Variants in DNAH11 observed in about 807,000 individuals in gnomAD.
The protein encoded by DNAH11 is axonemal beta dynein heavy chain 11.
A neutral mutation model predicts 526.0 loss-of-function variants in DNAH11; 442 were observed. The observed-to-expected ratio is 0.84, with a 90% CI of 0.78 to 0.91. The LOEUF is 0.91. DNAH11 is among the 40% of genes least tolerant of loss of function. The probability of loss-of-function intolerance (pLI) is 0.00; values close to 1 mark genes in which losing one functional copy is unlikely to be tolerated. For missense variants in DNAH11, 6,989 were observed against 5,448.7 expected (o/e 1.28, Z -8.90); for synonymous variants, 2,461 against 1,935.9 (o/e 1.27, Z -7.12).
At chr7:21,687,991 G>T (rs976607673) in intron 34 of DNAH11, among the ~76,000 whole-genome samples, 6 of 152,146 alleles carry the variant, frequency 3.9e-5, no homozygotes, top group African/African-American at 1.4e-4. Context: ...GAGCCCAGGA[G>T]GTCAAGGCTG....
intron 14 of DNAH11, among the ~76,000 whole-genome samples, chr7:21,594,023 C>A (rs1784782523): frequency 6.6e-6 from 1 of 151,148 alleles, no homozygotes; most frequent in Non-Finnish European, 1.5e-5. Flanking sequence ...CACACTCACA[C>A]ACACTCTTTC....
At chr7:21,891,090 C>G (rs1277331714) in intron 76 of DNAH11, among the ~76,000 whole-genome samples, 2 of 152,172 alleles carry the variant, frequency 1.3e-5, no homozygotes, top group Admixed American at 1.3e-4. Flanking sequence ...GAAATTCACA[C>G]TTACTTTGTC....
chr7:21,692,228 A>G (rs1403380330), intron 35 of DNAH11, among the ~76,000 whole-genome samples: 1 of 152,214 alleles, frequency 6.6e-6, no homozygotes, highest in Non-Finnish European at 1.5e-5. Flanking sequence ...GTGATAGTAA[A>G]AACATTCAGG....
At chr7:21,840,394 A>G (rs773195164) in intron 65 of DNAH11, among the ~76,000 whole-genome samples, 5 of 152,204 alleles carry the variant, frequency 3.3e-5, no homozygotes, top group Non-Finnish European at 7.3e-5. Flanking sequence ...ATTTTCTATC[A>G]TGACATCTAT....
At chr7:21,891,362 A>T (rs1279779244) in intron 76 of DNAH11, among the ~76,000 whole-genome samples, 1 of 152,212 alleles carries the variant, frequency 6.6e-6, no homozygotes, top group Admixed American at 6.5e-5. Context: ...TGTACATTTA[A>T]GTGCACATAC....
chr7:21,543,809 TTGTATC>T (rs1198958797), intron 1 of DNAH11: 2 of 586,750 alleles, frequency 3.4e-6, no homozygotes, highest in African/African-American at 3.8e-5. Flanking sequence ...AGTCAGCAGT[TTGTATC>T]TGACCGAGAA....
chr7:21,810,392 G>A lies in DNAH11; in HGVS notation c.10332+2343G>A, dbSNP rs75861049. 8.9e-3 allele frequency among the ~76,000 whole-genome samples: 1,359 copies of A among 152,254 alleles called. 17 individuals are homozygous for A. The highest frequency in any genetic ancestry group is 0.031 in the African/African-American group (1,279 of 41,536). ...GTTTATATATCCAGCCCTTTCTGGAGTATGGAGACAAAGATGGACATGGGC... is the reference window on the plus strand; with the variant it reads ...GTTTATATATCCAGCCCTTTCTGGAATATGGAGACAAAGATGGACATGGGC... On this transcript the variant is annotated intron_variant, in intron 63 of 81. Coordinates refer to ENST00000409508, the MANE Select transcript of DNAH11 (RefSeq NM_001277115.2).
At chr7:21,882,031 T>A (rs1203490820) in intron 75 of DNAH11, among the ~76,000 whole-genome samples, 1 of 152,236 alleles carries the variant, frequency 6.6e-6, no homozygotes, top group African/African-American at 2.4e-5. Flanking sequence ...TTGTCTAAAC[T>A]ATTGCACATA....
intron 25 of DNAH11, among the ~76,000 whole-genome samples, chr7:21,623,074 C>CAAAGGG (rs1424816864): frequency 6.6e-6 from 1 of 151,634 alleles, no homozygotes; most frequent in African/African-American, 2.4e-5. Flanking sequence ...ACTCATCTGA[C>CAAAGGG]AAAGGGCTAA....
intron 20 of DNAH11, among the ~76,000 whole-genome samples, chr7:21,614,480 A>G (rs1046007507): frequency 8.5e-5 from 13 of 152,230 alleles, no homozygotes; most frequent in Non-Finnish European, 2.9e-5. Context: ...TTAATTAAAG[A>G]TGAAAATTAA....
chr7:21,843,452 A>G (rs890325593), intron 66 of DNAH11, among the ~76,000 whole-genome samples: 4 of 151,760 alleles, frequency 2.6e-5, no homozygotes, highest in Admixed American at 6.6e-5. Flanking sequence ...ATTAAAAACT[A>G]TAAAGGAATG....
intron 8 of DNAH11, among the ~76,000 whole-genome samples, chr7:21,581,393 T>C (rs1363579990): frequency 6.6e-6 from 1 of 152,212 alleles, no homozygotes; most frequent in Non-Finnish European, 1.5e-5. Flanking sequence ...GTATCACTAA[T>C]GATATTTTCT....
At chr7:21,790,585 C>G (rs75124169) in intron 61 of DNAH11, among the ~76,000 whole-genome samples, 2,250 of 152,218 alleles carry the variant, frequency 0.015, 46 homozygotes, top group African/African-American at 0.046. Flanking sequence ...ATACAGAAAA[C>G]ACCATGAAAT....
intron 62 of DNAH11, 59 bp from the exon 63 acceptor site, chr7:21,807,824 A>G: frequency 6.6e-7 from 1 of 1,521,028 alleles, no homozygotes; most frequent in East Asian, 2.3e-5. Context: ...TGCATTAAGC[A>G]TTTGTGGAGT....
intron 68 of DNAH11, among the ~76,000 whole-genome samples, chr7:21,857,275 T>G (rs1478836612): frequency 6.6e-6 from 1 of 152,136 alleles, no homozygotes; most frequent in Non-Finnish European, 1.5e-5. Context: ...TATGCAAGGT[T>G]TGTATTCTAA....
intron 65 of DNAH11, among the ~76,000 whole-genome samples, chr7:21,820,043 C>G (rs955333049): frequency 1.3e-5 from 2 of 152,126 alleles, no homozygotes; most frequent in Admixed American, 1.3e-4. Context: ...GTGGGAACAA[C>G]CACTTGTTTG....
intron 25 of DNAH11, among the ~76,000 whole-genome samples, chr7:21,633,844 G>T (rs953077647): frequency 2.0e-5 from 3 of 152,186 alleles, no homozygotes; most frequent in African/African-American, 7.2e-5. Context: ...TCAGAAAAGG[G>T]TATTTAGGCA....
intron 59 of DNAH11, 93 bp downstream of exon 59, chr7:21,786,860 C>A: frequency 6.7e-7 from 1 of 1,488,604 alleles, no homozygotes; most frequent in South Asian, 1.3e-5. Flanking sequence ...ATGTTTAAGT[C>A]AGAAGAAATC....
chr7:21,862,135 T>C lies in DNAH11; in HGVS notation c.11373+112T>C. The C allele has an allele frequency of 2.7e-6, 3 of 1,127,480 alleles. No homozygotes were observed. The East Asian group carries it at 8.2e-5, about 31-fold the overall frequency. The allele number at this position is 1,127,480 out of a possible 1,614,324, so 69.8% of individuals were successfully genotyped here. On this transcript the variant is annotated intron_variant, in intron 69 of 81. Transcript: ENST00000409508. Reference sequence around the variant, plus strand: ...AAATATAATAGACTTTTTTTTTTTTTTGGAAGCCCTTGGTGGCATGAGGGG... The same window carrying C: ...AAATATAATAGACTTTTTTTTTTTTCTGGAAGCCCTTGGTGGCATGAGGGG...
Sources: allele counts gnomAD v4.1 joint callset (sites outside exome capture counted in the v4.1 genomes callset), GRCh38; gene constraint gnomAD v4.1.1; transcripts MANE v1.5; gene names NCBI Gene and HGNC (gene_info 2026-07-23, HGNC 2026-07-21).